The following CERS5 variants were observed in gnomAD, a reference collection of about 807,000 sequenced individuals.
CERS5 encodes the protein LAG1 homolog, ceramide synthase 5.
A neutral mutation model predicts 58.9 loss-of-function variants in CERS5; 37 were observed. The ratio of observed to expected loss-of-function variants is 0.63; its 90% CI spans 0.48 to 0.83. The LOEUF (loss-of-function observed/expected upper bound fraction) is 0.83, where lower values mean the gene tolerates loss of function less well. Among genes scored for constraint, CERS5 ranks in the 40% least tolerant of loss-of-function variants. The pLI, the probability that CERS5 is intolerant of heterozygous loss-of-function variation, is 0.00. For missense variants in CERS5, 398 were observed against 489.3 expected, an observed-to-expected ratio of 0.81 and a Z score of 1.76; for synonymous variants, 147 against 177.8, an observed-to-expected ratio of 0.83 and a Z score of 1.38.
intron 8 of CERS5, 113 bp downstream of exon 8, chr12:50,135,619 A>G (rs775669036): frequency 6.9e-5 from 59 of 851,056 alleles, no homozygotes; most frequent in Non-Finnish European, 1.1e-4. Context: ...CTTGTGTTCT[A>G]TTGGCGAAAG....
intron 8 of CERS5, 79 bp downstream of exon 8, chr12:50,135,653 C>A: frequency 9.5e-7 from 1 of 1,049,212 alleles, no homozygotes; most frequent in Non-Finnish European, 1.5e-6. Context: ...AACAGAAAAA[C>A]TGAATGGGCA....
chr12:50,141,709 C>T (rs1269046785), intron 4 of CERS5, among the ~76,000 whole-genome samples: 5 of 152,044 alleles, frequency 3.3e-5, no homozygotes, highest in Admixed American at 1.3e-4. Context: ...GAGGCCAAGG[C>T]GGGTGGATCA....
rs1293385929 is a variant in CERS5, at chr12:50,130,537, C to T, written c.*8G>A. 3 of 1,587,240 alleles carry T rather than the reference C, an allele frequency of 1.9e-6. No individual in the cohort carries two copies. The highest frequency in any genetic ancestry group is 2.3e-5 in the East Asian group (1 of 44,258). On this transcript the variant is annotated 3_prime_UTR_variant, in exon 10 of 10. Transcript: ENST00000317551. ...TCCATGTGTGCTGAAGTCCCTATAGCAACCACCTTACTCTTCAGCCCAGTA... is the reference window on the plus strand; with the variant it reads ...TCCATGTGTGCTGAAGTCCCTATAGTAACCACCTTACTCTTCAGCCCAGTA...
At chr12:50,139,176 G>A (rs542681340) in intron 4 of CERS5, among the ~76,000 whole-genome samples, 4 of 152,084 alleles carry the variant, frequency 2.6e-5, no homozygotes, top group East Asian at 1.9e-4. Context: ...ATGAACTTTT[G>A]GCTTTATTAA....
intron 1 of CERS5, among the ~76,000 whole-genome samples, chr12:50,146,447 T>C (rs1412637442): frequency 1.3e-5 from 2 of 152,190 alleles, no homozygotes; most frequent in Admixed American, 1.3e-4. Context: ...ATCTGGATCA[T>C]GGAGTGGACT....
At chr12:50,132,711 A>AAATTTC (rs370302206) in intron 9 of CERS5, among the ~76,000 whole-genome samples, 44,257 of 151,984 alleles carry the variant, frequency 0.29, 7,282 homozygotes, top group East Asian at 0.75. Context: ...AATTTCCACT[A>AAATTTC]GAGGGCAGAG....
Position 50,148,891 on chromosome 12 carries a change from C to A in CERS5, c.198-4834G>T, listed in dbSNP as rs569369569. Among the ~76,000 whole-genome samples, 209 of 100,188 alleles carry A rather than the reference C, an allele frequency of 2.1e-3. 1 individual carries two copies. The highest frequency in any genetic ancestry group is 6.1e-3 in the African/African-American group (151 of 24,748). The allele number at this position is 100,188 out of a possible 152,430, so 65.7% of individuals were successfully genotyped here. A position where few individuals can be genotyped will look rare whatever the true frequency, so the allele number is the denominator to read the frequency against. ...CTGCACTCCAGTTGGGGTGACGGAGCGAGACTCCATCTCAAAAAAAAAAAA... is the reference window on the plus strand; with the variant it reads ...CTGCACTCCAGTTGGGGTGACGGAGAGAGACTCCATCTCAAAAAAAAAAAA... On this transcript the variant is annotated intron_variant, in intron 1 of 9. Coordinates refer to ENST00000317551, the MANE Select transcript of CERS5 (RefSeq NM_147190.5).
At chr12:50,153,411 C>G (rs1435068201) in intron 1 of CERS5, among the ~76,000 whole-genome samples, 1 of 150,246 alleles carries the variant, frequency 6.7e-6, no homozygotes, top group African/African-American at 2.4e-5. Flanking sequence ...TCCCGAGTAG[C>G]TGGGACTAGA....
chr12:50,153,225 AGACTT>A (rs1938167108), intron 1 of CERS5, among the ~76,000 whole-genome samples: 1 of 149,094 alleles, frequency 6.7e-6, no homozygotes, highest in Non-Finnish European at 1.5e-5. Flanking sequence ...TCAATACTTA[AGACTT>A]TTCTGATGAG....
intron 1 of CERS5, among the ~76,000 whole-genome samples, chr12:50,158,329 T>G (rs1938888531): frequency 1.3e-5 from 2 of 152,192 alleles, no homozygotes. Context: ...ACCACTGATT[T>G]TGTTGCTCTC....
chr12:50,156,086 C>A (rs545588187), intron 1 of CERS5, among the ~76,000 whole-genome samples: 3 of 101,476 alleles, frequency 3.0e-5, no homozygotes, highest in African/African-American at 4.0e-5. Context: ...GGCGACAGAG[C>A]GACATTCTGT....
intron 9 of CERS5, among the ~76,000 whole-genome samples, chr12:50,131,912 C>T (rs966528768): frequency 2.4e-4 from 37 of 151,844 alleles, no homozygotes; most frequent in African/African-American, 8.9e-4. Context: ...GCCTGGGCAA[C>T]ATGGAGAGAG....
At chr12:50,166,596 G>T (rs1469128418) in intron 1 of CERS5, among the ~76,000 whole-genome samples, 1 of 152,112 alleles carries the variant, frequency 6.6e-6, no homozygotes, top group Non-Finnish European at 1.5e-5. Flanking sequence ...AACTAATCCT[G>T]TTCCCCCCAA....
intron 1 of CERS5, among the ~76,000 whole-genome samples, chr12:50,157,922 C>T (rs142971252): frequency 1.0e-3 from 157 of 152,064 alleles, no homozygotes; most frequent in Non-Finnish European, 1.9e-3. Context: ...ATTAGCCAGG[C>T]ACAGTGGCAC....
intron 1 of CERS5, among the ~76,000 whole-genome samples, chr12:50,148,150 A>G (rs977931389): frequency 6.6e-6 from 1 of 151,918 alleles, no homozygotes; most frequent in Non-Finnish European, 1.5e-5. Context: ...CCAAAACACA[A>G]AAGTTAGACA....
intron 1 of CERS5, among the ~76,000 whole-genome samples, chr12:50,166,729 C>T (rs1181896424): frequency 6.6e-6 from 1 of 152,226 alleles, no homozygotes; most frequent in Non-Finnish European, 1.5e-5. Flanking sequence ...CTCTGGTTCT[C>T]CTGGCCCCTT....
chr12:50,162,761 G>A (rs922836724), intron 1 of CERS5, among the ~76,000 whole-genome samples: 10 of 151,954 alleles, frequency 6.6e-5, no homozygotes, highest in Admixed American at 3.9e-4. Context: ...ATGCCATCAC[G>A]CCCAGCTAAT....
chr12:50,132,293 T>C (rs1951370780), intron 9 of CERS5, among the ~76,000 whole-genome samples: 1 of 151,716 alleles, frequency 6.6e-6, no homozygotes, highest in Non-Finnish European at 1.5e-5. Context: ...TCCCAGCTAC[T>C]CAGGAGGCTG....
chr12:50,157,730 G>T lies in CERS5; in HGVS notation c.197+9371C>A, dbSNP rs75375118. Among the ~76,000 whole-genome samples the T allele has an allele frequency of 6.3e-3, 951 of 152,144 alleles. 12 individuals carry two copies. The highest frequency in any genetic ancestry group is 0.022 in the African/African-American group (920 of 41,510). ...AAAAGAAATTGTCCAAAAAAAAAGA[G>T]ATCAAACCTGAAACAATAATTGACA... On this transcript the variant is annotated intron_variant, in intron 1 of 9. Coordinates refer to ENST00000317551, the MANE Select transcript of CERS5 (RefSeq NM_147190.5).
Sources: gnomAD v4.1 joint callset for allele counts (sites outside exome capture counted in the v4.1 genomes callset) on GRCh38, gnomAD v4.1.1 for gene constraint, MANE v1.5 for transcripts, NCBI Gene and HGNC (gene_info 2026-07-23, HGNC 2026-07-21) for gene names.